IL7: variants seen among roughly 807,000 people sequenced by gnomAD.
IL7 encodes interleukin-7.
A neutral mutation model predicts 21.6 loss-of-function variants in IL7; 3 were observed. The observed-to-expected ratio is 0.14, with a 90% CI of 0.06 to 0.36. The LOEUF (loss-of-function observed/expected upper bound fraction) is 0.36, where lower values mean the gene tolerates loss of function less well. IL7 is among the 10% of genes least tolerant of loss of function. IL7 has a pLI of 1.00. For synonymous variants in IL7, 62 were observed against 68.1 expected (o/e 0.91, Z 0.44); for missense variants, 175 against 200.2 (o/e 0.87, Z 0.76).
At chr8:78,784,025 G>T (rs1471011883) in intron 2 of IL7, among the ~76,000 whole-genome samples, 1 of 152,194 alleles carries the variant, frequency 6.6e-6, no homozygotes, top group African/African-American at 2.4e-5. Flanking sequence ...CCAATATGGT[G>T]AAGACTATAA....
intron 4 of IL7, chr8:78,678,748 G>C: frequency 9.6e-7 from 1 of 1,040,412 alleles, no homozygotes; most frequent in Non-Finnish European, 1.4e-6. Context: ...TATATTATCT[G>C]TTACAGTAAG....
At chr8:78,682,476 C>CTTCCCT (rs1809819430) in intron 4 of IL7, among the ~76,000 whole-genome samples, 1 of 152,078 alleles carries the variant, frequency 6.6e-6, no homozygotes, top group Non-Finnish European at 1.5e-5. Context: ...AGCAGGGGAA[C>CTTCCCT]TTCCCTTTTT....
intron 3 of IL7, among the ~76,000 whole-genome samples, chr8:78,725,863 A>G (rs1213921580): frequency 1.3e-5 from 2 of 152,062 alleles, no homozygotes; most frequent in Admixed American, 6.6e-5. Context: ...TATTTATTAC[A>G]TAATGTTAGA....
rs56316712 is a variant in IL7 at position 78,805,407 on chromosome 8, T to C, written c.-485A>G. On this transcript the variant is annotated 5_prime_UTR_variant, in exon 1 of 6. Coordinates refer to ENST00000263851, the MANE Select transcript of IL7 (RefSeq NM_000880.4). ...GATCTCTCAACGCCTTGGCAACGCT[T>C]GGCGACTGGGAGCTAGAACCATGAG... 7.0e-4 allele frequency: 108 copies of C among 153,354 alleles called. 1 individual carries two copies. In the East Asian group the frequency reaches 0.018, roughly 26 times the overall value. The allele number at this position is 153,354 out of a possible 1,614,324, so 9.5% of individuals were successfully genotyped here.
chr8:78,686,711 T>C, intron 3 of IL7: 1 of 1,211,920 alleles, frequency 8.3e-7, no homozygotes, highest in Non-Finnish European at 1.1e-6. Flanking sequence ...TCATGGAGTG[T>C]TATGAGGCAT....
chr8:78,716,052 A>T (rs1288906533), downstream of IL7, among the ~76,000 whole-genome samples: 2 of 151,310 alleles, frequency 1.3e-5, no homozygotes, highest in African/African-American at 4.9e-5. Context: ...AAAAAAAAAA[A>T]AAAGGCTGTT....
intron 3 of IL7, among the ~76,000 whole-genome samples, chr8:78,687,946 TA>T (rs1033190361): frequency 7.0e-6 from 1 of 143,732 alleles, no homozygotes; most frequent in African/African-American, 2.5e-5. Flanking sequence ...TTTTTATATA[TA>T]AACTATATCT....
At chr8:78,781,257 C>A (rs1479964799) in intron 2 of IL7, among the ~76,000 whole-genome samples, 2 of 152,140 alleles carry the variant, frequency 1.3e-5, no homozygotes, top group Admixed American at 6.5e-5. Flanking sequence ...GATCTTGTCA[C>A]CATGATGCTA....
chr8:78,788,905 T>C (rs745780008), intron 2 of IL7, among the ~76,000 whole-genome samples: 3 of 152,162 alleles, frequency 2.0e-5, no homozygotes, highest in Non-Finnish European at 4.4e-5. Flanking sequence ...ATGCTGTTTT[T>C]AGATATGTAC....
chr8:78,698,717 C>A (rs181709050), intron 3 of IL7, among the ~76,000 whole-genome samples: 1 of 152,072 alleles, frequency 6.6e-6, no homozygotes, highest in African/African-American at 2.4e-5. Context: ...GTATTAAAAG[C>A]CTTAGAAATC....
intron 2 of IL7, among the ~76,000 whole-genome samples, chr8:78,767,472 G>C (rs1415801050): frequency 1.3e-5 from 2 of 152,004 alleles, no homozygotes; most frequent in African/African-American, 4.8e-5. Context: ...TCTTTTAAGA[G>C]TGTTTTCCAA....
At chr8:78,684,217 T>G (rs1482918436) in intron 4 of IL7, among the ~76,000 whole-genome samples, 1 of 152,182 alleles carries the variant, frequency 6.6e-6, no homozygotes, top group Non-Finnish European at 1.5e-5. Flanking sequence ...CATACTGCTA[T>G]GAAGAAATAC....
intron 3 of IL7, among the ~76,000 whole-genome samples, chr8:78,688,547 T>G (rs1419140315): frequency 1.3e-5 from 2 of 152,188 alleles, no homozygotes; most frequent in Non-Finnish European, 2.9e-5. Context: ...TTATTCCCAG[T>G]GTCTCATTTA....
intron 2 of IL7, among the ~76,000 whole-genome samples, chr8:78,752,904 T>A (rs143999910): frequency 0.044 from 6,762 of 152,236 alleles, 209 homozygotes; most frequent in Middle Eastern, 0.085. Context: ...TTCATCCATG[T>A]CCCTGCAAAG....
intron 2 of IL7, among the ~76,000 whole-genome samples, chr8:78,752,098 G>A (rs1292333020): frequency 6.6e-6 from 1 of 152,134 alleles, no homozygotes; most frequent in African/African-American, 2.4e-5. Context: ...TGAGTGACAG[G>A]ATTTCATACT....
downstream of IL7, among the ~76,000 whole-genome samples, chr8:78,717,003 A>T (rs763785515): frequency 6.6e-6 from 1 of 150,928 alleles, no homozygotes; most frequent in Non-Finnish European, 1.5e-5. Context: ...CAGCCTGCAG[A>T]ACTGTGAGTC....
chr8:78,761,548 A>G (rs1812556979), intron 2 of IL7: 1 of 1,611,824 alleles, frequency 6.2e-7, no homozygotes, highest in Non-Finnish European at 8.5e-7. Context: ...GGAAGCCTAT[A>G]AATTCCTCTC....
chr8:78,722,213 A>G (rs540981029), intron 3 of IL7, among the ~76,000 whole-genome samples: 2 of 152,096 alleles, frequency 1.3e-5, no homozygotes, highest in South Asian at 4.1e-4. Context: ...CATCTGCAAT[A>G]TTTAATCTGA....
intron 2 of IL7, among the ~76,000 whole-genome samples, chr8:78,763,987 T>C (rs560523704): frequency 1.3e-5 from 2 of 151,918 alleles, no homozygotes; most frequent in African/African-American, 4.8e-5. Context: ...ATAGCACTTA[T>C]CATCTACACC....
Sources: gnomAD v4.1 joint callset for allele counts (sites outside exome capture counted in the v4.1 genomes callset) on GRCh38, gnomAD v4.1.1 for gene constraint, MANE v1.5 for transcripts, NCBI Gene and HGNC (gene_info 2026-07-23, HGNC 2026-07-21) for gene names.